NRCAM: variants seen among roughly 807,000 people sequenced by gnomAD.
The protein encoded by NRCAM is neuronal cell adhesion molecule.
Under a neutral mutation model 156.5 loss-of-function variants are expected in NRCAM, and 83 were observed. The observed-to-expected ratio is 0.53, with a 90% CI of 0.44 to 0.64. The LOEUF is 0.64. Ranked by LOEUF, NRCAM falls within the 30% of genes least tolerant of loss-of-function variation. The probability of loss-of-function intolerance (pLI) is 0.00; values close to 1 mark genes in which losing one functional copy is unlikely to be tolerated. For missense variants in NRCAM, 1,417 were observed against 1,597.3 expected (o/e 0.89, Z 1.92); for synonymous variants, 538 against 563.9 (o/e 0.95, Z 0.65).
intron 1 of NRCAM, among the ~76,000 whole-genome samples, chr7:108,450,608 T>G (rs1268453805): frequency 7.1e-6 from 1 of 141,810 alleles, no homozygotes; most frequent in East Asian, 1.9e-4. Flanking sequence ...TGCCATTTTT[T>G]GGCAGTAAAA....
chr7:108,420,868 T>A (rs977704281), intron 1 of NRCAM, among the ~76,000 whole-genome samples: 4 of 152,184 alleles, frequency 2.6e-5, no homozygotes, highest in African/African-American at 2.4e-5. Context: ...ATCTTGTGTG[T>A]GAGAGAGAGA....
At chr7:108,256,788 G>T (rs2096685555) in intron 3 of NRCAM, among the ~76,000 whole-genome samples, 1 of 152,092 alleles carries the variant, frequency 6.6e-6, no homozygotes. Context: ...GGCCAAGGCG[G>T]GCGGATTACT....
intron 26 of NRCAM, 88 bp downstream of exon 26, chr7:108,177,902 C>T: frequency 8.2e-7 from 1 of 1,212,328 alleles, no homozygotes; most frequent in Non-Finnish European, 1.1e-6. Context: ...CACTACGTAC[C>T]CCATGAGGAG....
intron 3 of NRCAM, among the ~76,000 whole-genome samples, chr7:108,247,235 T>C (rs1181766357): frequency 1.3e-5 from 2 of 152,348 alleles, no homozygotes; most frequent in African/African-American, 4.8e-5. Flanking sequence ...TGGTTTATTA[T>C]ATAGCCATAG....
intron 3 of NRCAM, among the ~76,000 whole-genome samples, chr7:108,256,177 A>G (rs550230884): frequency 1.3e-5 from 2 of 152,020 alleles, no homozygotes; most frequent in Non-Finnish European, 2.9e-5. Context: ...GTTTTGTTGA[A>G]TAGAAAAGGG....
intron 11 of NRCAM, among the ~76,000 whole-genome samples, chr7:108,214,792 C>A (rs2086977060): frequency 1.3e-5 from 2 of 152,164 alleles, no homozygotes; most frequent in Admixed American, 6.5e-5. Flanking sequence ...GATCCTGGTA[C>A]ATTGTGTCTT....
intron 3 of NRCAM, among the ~76,000 whole-genome samples, chr7:108,253,371 T>C (rs1562960008): frequency 6.6e-6 from 1 of 152,076 alleles, no homozygotes; most frequent in Non-Finnish European, 1.5e-5. Context: ...GAGGAAAGAC[T>C]CTGGGAGGTG....
intron 30 of NRCAM, among the ~76,000 whole-genome samples, chr7:108,165,979 G>C (rs907567087): frequency 6.6e-6 from 1 of 152,160 alleles, no homozygotes; most frequent in African/African-American, 2.4e-5. Flanking sequence ...TCCATCTAGC[G>C]AGCAAATACG....
At chr7:108,348,711 C>T (rs2099388112) in intron 2 of NRCAM, among the ~76,000 whole-genome samples, 1 of 151,162 alleles carries the variant, frequency 6.6e-6, no homozygotes, top group African/African-American at 2.4e-5. Context: ...GTCAGGAGTT[C>T]GAGACTAGCC....
chr7:108,209,281 C>A (rs1588319437), intron 12 of NRCAM, 140 bp downstream of exon 12: 1 of 582,336 alleles, frequency 1.7e-6, no homozygotes, highest in Non-Finnish European at 2.9e-6. Flanking sequence ...CTACCAATAG[C>A]AATGAGAAGA....
chr7:108,370,950 T>C (rs1344501036), intron 2 of NRCAM, among the ~76,000 whole-genome samples: 1 of 152,166 alleles, frequency 6.6e-6, no homozygotes, highest in Non-Finnish European at 1.5e-5. Context: ...TTTTTAATGT[T>C]CTGATGTTAT....
At chr7:108,166,432 G>A (rs922730468) in intron 30 of NRCAM, among the ~76,000 whole-genome samples, 1 of 151,914 alleles carries the variant, frequency 6.6e-6, no homozygotes, top group Non-Finnish European at 1.5e-5. Flanking sequence ...ATTTTTAGTA[G>A]AGACGGGGTT....
chr7:108,385,055 T>C (rs2099735680), intron 2 of NRCAM, among the ~76,000 whole-genome samples: 1 of 152,226 alleles, frequency 6.6e-6, no homozygotes, highest in African/African-American at 2.4e-5. Context: ...GAGGCAGAAC[T>C]AGACTCAAAA....
chr7:108,249,231 C>T lies in NRCAM; in HGVS notation c.-106-9061G>A, dbSNP rs933190161. On this transcript the variant is annotated intron_variant, in intron 3 of 32. Coordinates refer to ENST00000379028, the MANE Select transcript of NRCAM (RefSeq NM_001037132.4). ...GTATCCAGGCTCTCTGTAATCATAACGGAACCAAGAAAATGAGAAATAGAG... is the reference window on the plus strand; with the variant it reads ...GTATCCAGGCTCTCTGTAATCATAATGGAACCAAGAAAATGAGAAATAGAG... Among the ~76,000 whole-genome samples the T allele has an allele frequency of 4.6e-5, 7 of 152,208 alleles. No individual in the cohort carries two copies. In the East Asian group the frequency reaches 7.7e-4, roughly 17 times the overall value.
intron 2 of NRCAM, among the ~76,000 whole-genome samples, chr7:108,321,474 G>A (rs2099000453): frequency 6.6e-6 from 1 of 152,038 alleles, no homozygotes; most frequent in Non-Finnish European, 1.5e-5. Flanking sequence ...ATCACAAAGA[G>A]GGCACCAAGC....
At chr7:108,311,786 CAA>C (rs972091354) in intron 3 of NRCAM, among the ~76,000 whole-genome samples, 1 of 152,134 alleles carries the variant, frequency 6.6e-6, no homozygotes, top group African/African-American at 2.4e-5. Context: ...TTCTCAGTAA[CAA>C]GAGACAACAT....
At chr7:108,152,378 C>A (rs1383597299) in intron 32 of NRCAM, among the ~76,000 whole-genome samples, 1 of 151,248 alleles carries the variant, frequency 6.6e-6, no homozygotes, top group African/African-American at 2.4e-5. Flanking sequence ...GGAAGCCTGG[C>A]AGGTTCTAGG....
Position 108,187,737 on chromosome 7 carries a change from G to A in NRCAM, c.2035+1908C>T, listed in dbSNP as rs1055058427. Among the ~76,000 whole-genome samples, 180 of 152,122 alleles carry A rather than the reference G, an allele frequency of 1.2e-3. 4 individuals carry two copies. The highest frequency in any genetic ancestry group is 2.8e-4 in the Non-Finnish European group (19 of 67,990). ...GAGGCCGAGGCGGGTGGATCACGAG[G>A]TCGGGAGATTGAGACCATTCTGGCT... On this transcript the variant is annotated intron_variant, in intron 20 of 32. Coordinates refer to ENST00000379028, the MANE Select transcript of NRCAM (RefSeq NM_001037132.4).
intron 12 of NRCAM, 95 bp from the exon 13 acceptor site, chr7:108,207,754 C>T: frequency 4.1e-6 from 4 of 968,290 alleles, no homozygotes; most frequent in Non-Finnish European, 6.0e-6. Flanking sequence ...CAAGCAAGTA[C>T]TTCACACTAA....
Sources: gnomAD v4.1 joint callset for allele counts (sites outside exome capture counted in the v4.1 genomes callset) on GRCh38, gnomAD v4.1.1 for gene constraint, MANE v1.5 for transcripts, NCBI Gene and HGNC (gene_info 2026-07-23, HGNC 2026-07-21) for gene names.